Variants in TAS2R1 observed in about 807,000 individuals in gnomAD.
TAS2R1 encodes taste receptor type 2 member 1.
For missense variants in TAS2R1, 370 were observed against 353.4 expected, an observed-to-expected ratio of 1.05 and a Z score of -0.38; for synonymous variants, 141 against 134.2, an observed-to-expected ratio of 1.05 and a Z score of -0.35.
the TAS2R1 span, among the ~76,000 whole-genome samples, chr5:9,726,842 A>G: frequency 2.6e-4 from 39 of 152,358 alleles, no homozygotes; most frequent in African/African-American, 8.9e-4. Flanking sequence ...AAGCTTCACC[A>G]AGCCATTTTC....
chr5:9,832,429 G>A, the TAS2R1 span, among the ~76,000 whole-genome samples: 3 of 152,196 alleles, frequency 2.0e-5, no homozygotes, highest in Non-Finnish European at 4.4e-5. Flanking sequence ...AAGGTGAAAC[G>A]TAAGGCAAAA....
chr5:9,886,643 A>G, the TAS2R1 span, among the ~76,000 whole-genome samples: 1 of 152,236 alleles, frequency 6.6e-6, no homozygotes, highest in East Asian at 1.9e-4. Flanking sequence ...CTATTTTTAT[A>G]TAATTGTTAA....
At chr5:9,823,922 A>G in the TAS2R1 span, among the ~76,000 whole-genome samples, 1 of 152,212 alleles carries the variant, frequency 6.6e-6, no homozygotes, top group South Asian at 2.1e-4. Context: ...ATAGAACTAA[A>G]AAAGATATGA....
At chr5:9,754,449 G>A in the TAS2R1 span, among the ~76,000 whole-genome samples, 17 of 152,316 alleles carry the variant, frequency 1.1e-4, no homozygotes, top group African/African-American at 3.9e-4. Flanking sequence ...TAGGAAAAGA[G>A]GAAGTCAAAT....
At chr5:9,671,342 A>G (rs1740750473) in intron 1 of TAS2R1, among the ~76,000 whole-genome samples, 1 of 152,210 alleles carries the variant, frequency 6.6e-6, no homozygotes, top group Admixed American at 6.5e-5. Context: ...GGAAGAGAGG[A>G]AGTCAAACTA....
chr5:9,892,597 A>T, the TAS2R1 span, among the ~76,000 whole-genome samples: 1 of 152,132 alleles, frequency 6.6e-6, no homozygotes, highest in Admixed American at 6.5e-5. Context: ...AGATGCCGCT[A>T]TGCTGCCAAG....
intron 2 of TAS2R1, among the ~76,000 whole-genome samples, chr5:9,649,862 T>C (rs1471677657): frequency 6.6e-6 from 1 of 152,198 alleles, no homozygotes; most frequent in African/African-American, 2.4e-5. Flanking sequence ...TTTGAGAGGC[T>C]ACATTTTTAA....
intron 1 of TAS2R1, among the ~76,000 whole-genome samples, chr5:9,672,422 C>G (rs1740786142): frequency 6.9e-6 from 1 of 145,386 alleles, no homozygotes. Flanking sequence ...ATACGGAACT[C>G]AAACAAATTT....
At chr5:9,631,507 A>G (rs1739872829), upstream of TAS2R1, among the ~76,000 whole-genome samples, 1 of 152,130 alleles carries the variant, frequency 6.6e-6, no homozygotes, top group African/African-American at 2.4e-5. Flanking sequence ...CTCTTGAGGT[A>G]TTAGGATTAT....
chr5:9,892,885 C>A, the TAS2R1 span, among the ~76,000 whole-genome samples: 1 of 152,188 alleles, frequency 6.6e-6, no homozygotes, highest in African/African-American at 2.4e-5. Context: ...TATCTTTTCA[C>A]AGACCAAGTA....
At chr5:9,652,665 A>T (rs1184681931) in intron 2 of TAS2R1, among the ~76,000 whole-genome samples, 1 of 152,180 alleles carries the variant, frequency 6.6e-6, no homozygotes, top group African/African-American at 2.4e-5. Flanking sequence ...TGTTTGTTTT[A>T]TGATTAACAT....
At chr5:9,780,264 T>G in the TAS2R1 span, among the ~76,000 whole-genome samples, 1 of 152,234 alleles carries the variant, frequency 6.6e-6, no homozygotes, top group Non-Finnish European at 1.5e-5. Context: ...CTTCTTTGCT[T>G]AACTTCTCTT....
the TAS2R1 span, among the ~76,000 whole-genome samples, chr5:9,807,987 G>A: frequency 6.6e-6 from 1 of 152,084 alleles, no homozygotes; most frequent in East Asian, 1.9e-4. Flanking sequence ...ACCAAGAAGT[G>A]GGGTGTTGCT....
chr5:9,639,050 G>A (rs927344722), intron 2 of TAS2R1, among the ~76,000 whole-genome samples: 1 of 152,122 alleles, frequency 6.6e-6, no homozygotes, highest in Non-Finnish European at 1.5e-5. Context: ...CCTCTCCACT[G>A]CCCGCTCCAT....
At position 9,628,942 on chromosome 5, in the gene TAS2R1, T is replaced by C. The variant is rs866688794; in HGVS notation, c.*191A>G. On this transcript the variant is annotated 3_prime_UTR_variant, in exon 1 of 1. Transcript: ENST00000382492. ...ATTGATGTAATCCATCAACATATGT[T>C]GTGCTTTCAAAATCAGTTTAACTGC... The C allele has an allele frequency of 2.4e-5, 12 of 502,028 alleles. No homozygotes were observed. Among genetic ancestry groups the C allele is most frequent in the Non-Finnish European group, 3.7e-5 (11 of 294,902 alleles). The allele number at this position is 502,028 out of a possible 1,614,324, so 31.1% of individuals were successfully genotyped here. A position where few individuals can be genotyped will look rare whatever the true frequency, so the allele number is the denominator to read the frequency against.
intron 1 of TAS2R1, among the ~76,000 whole-genome samples, chr5:9,711,656 A>G (rs1267185780): frequency 6.6e-6 from 1 of 152,030 alleles, no homozygotes; most frequent in Non-Finnish European, 1.5e-5. Flanking sequence ...AACAGACTTC[A>G]TGTTGTATTT....
At chr5:9,655,483 T>C (rs1740391082) in intron 2 of TAS2R1, among the ~76,000 whole-genome samples, 1 of 151,478 alleles carries the variant, frequency 6.6e-6, no homozygotes, top group African/African-American at 2.4e-5. Context: ...TAGAGAGAAA[T>C]CTCAAAATTG....
the TAS2R1 span, among the ~76,000 whole-genome samples, chr5:9,889,169 C>T: frequency 6.6e-6 from 1 of 152,248 alleles, no homozygotes; most frequent in Non-Finnish European, 1.5e-5. Context: ...GAAAGGGGGT[C>T]GGAGCTTGCA....
At chr5:9,667,243 G>A (rs1051976270) in intron 1 of TAS2R1, among the ~76,000 whole-genome samples, 9 of 152,134 alleles carry the variant, frequency 5.9e-5, no homozygotes, top group African/African-American at 2.2e-4. Flanking sequence ...TGTTGTCCAG[G>A]AAAACACCCT....
Sources: allele counts gnomAD v4.1 joint callset (sites outside exome capture counted in the v4.1 genomes callset), GRCh38; gene constraint gnomAD v4.1.1; transcripts MANE v1.5; gene names NCBI Gene and HGNC (gene_info 2026-07-23, HGNC 2026-07-21).